The following CACNA1C variants were observed in gnomAD, a reference collection of about 807,000 sequenced individuals.
CACNA1C encodes calcium voltage-gated channel subunit alpha1 C.
In CACNA1C, 30 loss-of-function variants were observed where a neutral mutation model predicts 229.0. The observed-to-expected ratio is 0.13, with a 90% CI of 0.10 to 0.18. CACNA1C has a LOEUF of 0.18. Ranked by LOEUF, CACNA1C falls within the 10% of genes least tolerant of loss-of-function variation. The pLI is 1.00. For missense variants in CACNA1C, 1,658 were observed against 2,845.0 expected, an observed-to-expected ratio of 0.58 and a Z score of 9.49; for synonymous variants, 1,114 against 1,132.5, an observed-to-expected ratio of 0.98 and a Z score of 0.33.
chr12:2,642,436 C>T (rs1034583442), intron 30 of CACNA1C, among the ~76,000 whole-genome samples: 2 of 152,186 alleles, frequency 1.3e-5, no homozygotes, highest in Admixed American at 6.5e-5. Context: ...GGCTCAGCAA[C>T]CTGCTGCTGG....
chr12:2,206,854 A>G (rs1422772158), intron 3 of CACNA1C, among the ~76,000 whole-genome samples: 1 of 152,194 alleles, frequency 6.6e-6, no homozygotes, highest in Non-Finnish European at 1.5e-5. Flanking sequence ...TCCTGGGAGA[A>G]TACATTTTGG....
intron 21 of CACNA1C, among the ~76,000 whole-genome samples, chr12:2,600,554 G>A (rs749761795): frequency 5.3e-5 from 8 of 152,150 alleles, no homozygotes; most frequent in Non-Finnish European, 1.0e-4. Flanking sequence ...CTTCCTGTCC[G>A]CTGCCTGTCA....
chr12:2,455,286 G>C (rs1017394068), intron 4 of CACNA1C, among the ~76,000 whole-genome samples: 1 of 151,746 alleles, frequency 6.6e-6, no homozygotes, highest in African/African-American at 2.4e-5. Flanking sequence ...TTGTCTATAC[G>C]GTAGCCACAC....
chr12:2,426,092 G>A (rs891704342), intron 3 of CACNA1C, among the ~76,000 whole-genome samples: 1 of 152,166 alleles, frequency 6.6e-6, no homozygotes, highest in South Asian at 2.1e-4. Context: ...AGAGCTGGGG[G>A]CAGGGAACAC....
rs1394479459 is a variant in CACNA1C at position 2,667,264 on chromosome 12, C to CA, written c.4623+482_4623+483insA. ...AAAGTGTCGTTTCCTTTTCTCCCTC[C>CA]CCTCCACCATGGCCACTCCACGCTC... is the stretch of plus-strand genomic sequence containing the variant. On this transcript the variant is annotated intron_variant, in intron 37 of 46. Coordinates refer to ENST00000399655, the MANE Select transcript of CACNA1C (RefSeq NM_000719.7). Among the ~76,000 whole-genome samples the CA allele has an allele frequency of 5.9e-5, 9 of 152,200 alleles. 1 individual carries two copies. The highest frequency in any genetic ancestry group is 2.2e-4 in the African/African-American group (9 of 41,552).
intron 3 of CACNA1C, among the ~76,000 whole-genome samples, chr12:2,244,665 C>T (rs1259274732): frequency 6.6e-6 from 1 of 152,230 alleles, no homozygotes; most frequent in Non-Finnish European, 1.5e-5. Flanking sequence ...CTTCCTAGAG[C>T]AGAGCCATCA....
chr12:2,031,020 G>A (rs1462567607), intron 1 of CACNA1C, among the ~76,000 whole-genome samples: 1 of 145,602 alleles, frequency 6.9e-6, no homozygotes, highest in Non-Finnish European at 1.5e-5. Flanking sequence ...AGGCAAGACA[G>A]GTCTCTACAG....
intron 4 of CACNA1C, among the ~76,000 whole-genome samples, chr12:2,450,152 A>C (rs1222098939): frequency 6.6e-6 from 1 of 152,226 alleles, no homozygotes; most frequent in African/African-American, 2.4e-5. Flanking sequence ...TCTTAAATAA[A>C]ATGTAGAAGA....
chr12:2,165,370 G>T (rs1022404099), intron 3 of CACNA1C, among the ~76,000 whole-genome samples: 1 of 152,236 alleles, frequency 6.6e-6, no homozygotes, highest in African/African-American at 2.4e-5. Context: ...CAGACACACT[G>T]TGGTACTTGC....
intron 42 of CACNA1C, 96 bp from the exon 43 acceptor site, chr12:2,682,454 A>C: frequency 6.9e-7 from 1 of 1,442,554 alleles, no homozygotes; most frequent in Non-Finnish European, 9.4e-7. Flanking sequence ...ACGTGTGTAC[A>C]CCTGCATGTG....
chr12:2,663,877 G>A (rs1283340000), intron 34 of CACNA1C, among the ~76,000 whole-genome samples: 3 of 151,644 alleles, frequency 2.0e-5, no homozygotes, highest in African/African-American at 7.3e-5. Context: ...AAGTAGCTGG[G>A]ACTACAGGCG....
chr12:2,294,306 A>G (rs1254798465), intron 3 of CACNA1C, among the ~76,000 whole-genome samples: 1 of 152,042 alleles, frequency 6.6e-6, no homozygotes, highest in Non-Finnish European at 1.5e-5. Context: ...CAGAAGGAAG[A>G]GCGTGGCCCA....
At chr12:2,268,460 T>C (rs908527063) in intron 3 of CACNA1C, among the ~76,000 whole-genome samples, 1 of 152,184 alleles carries the variant, frequency 6.6e-6, no homozygotes, top group African/African-American at 2.4e-5. Context: ...GAAAATTGTG[T>C]CTTTTTTAAG....
At chr12:2,097,390 C>A (rs2074616043) in intron 1 of CACNA1C, among the ~76,000 whole-genome samples, 1 of 152,112 alleles carries the variant, frequency 6.6e-6, no homozygotes, top group Non-Finnish European at 1.5e-5. Context: ...TTGTGATCCG[C>A]CCGCCTCGAC....
chr12:2,585,622 G>T lies in CACNA1C; in HGVS notation c.2460+126G>T. The T allele has an allele frequency of 8.4e-7, 1 of 1,196,934 alleles. No individual in the cohort carries two copies. The allele number at this position is 1,196,934 out of a possible 1,614,324, so 74.1% of individuals were successfully genotyped here. On this transcript the variant is annotated intron_variant, in intron 17 of 46. Coordinates refer to ENST00000399655, the MANE Select transcript of CACNA1C (RefSeq NM_000719.7). This position sits in a 1 kb window ranked among gnomAD's most constrained non-coding sequence, Gnocchi z 4.1. ...AAGACACCCAGTGGAAAGAAAGCCAGTGGGGATGAACAGGAGAGCTGGGAG... is the reference window on the plus strand; with the variant it reads ...AAGACACCCAGTGGAAAGAAAGCCATTGGGGATGAACAGGAGAGCTGGGAG...
At chr12:2,015,415 C>A (rs541657798) in intron 1 of CACNA1C, among the ~76,000 whole-genome samples, 2 of 152,112 alleles carry the variant, frequency 1.3e-5, no homozygotes, top group Admixed American at 6.5e-5. Flanking sequence ...CCCCTGTTTG[C>A]CAGGGCCTAA....
chr12:2,417,514 G>T (rs865869779), intron 3 of CACNA1C, among the ~76,000 whole-genome samples: 1 of 152,156 alleles, frequency 6.6e-6, no homozygotes, highest in East Asian at 1.9e-4. Flanking sequence ...GGAGGTACGC[G>T]CCAAGGACCT....
chr12:2,268,655 G>A (rs1029816499), intron 3 of CACNA1C, among the ~76,000 whole-genome samples: 3 of 152,090 alleles, frequency 2.0e-5, no homozygotes, highest in African/African-American at 7.2e-5. Flanking sequence ...AGAGGAGTGT[G>A]GACCCCTGAG....
At chr12:2,673,479 A>AAC (rs1424682266) in intron 38 of CACNA1C, among the ~76,000 whole-genome samples, 4 of 151,290 alleles carry the variant, frequency 2.6e-5, no homozygotes, top group African/African-American at 9.7e-5. Context: ...AAAAAAAAAA[A>AAC]AAAAAGACAC....
Sources: allele counts gnomAD v4.1 joint callset (sites outside exome capture counted in the v4.1 genomes callset), GRCh38; gene constraint gnomAD v4.1.1; non-coding constraint Gnocchi (gnomAD v3.1); transcripts MANE v1.5; gene names NCBI Gene and HGNC (gene_info 2026-07-23, HGNC 2026-07-21).